The following IST1 variants were observed in gnomAD, a reference collection of about 807,000 sequenced individuals.
IST1 encodes the protein IST1 factor associated with ESCRT-III.
IST1 carries 23 observed loss-of-function variants against 37.0 expected under a neutral mutation model. The ratio of observed to expected loss-of-function variants is 0.62; its 90% CI spans 0.45 to 0.88. The LOEUF (loss-of-function observed/expected upper bound fraction) is 0.88. Among genes scored for constraint, IST1 ranks in the 40% least tolerant of loss-of-function variants. The pLI is 0.00. For missense variants in IST1, 488 were observed against 445.4 expected, an observed-to-expected ratio of 1.10 and a Z score of -0.86; for synonymous variants, 180 against 161.7, an observed-to-expected ratio of 1.11 and a Z score of -0.86.
rs2037791527 is a variant in IST1, at chr16:71,927,976, A to C, written c.*163A>C. On this transcript the variant is annotated 3_prime_UTR_variant, in exon 10 of 10. Transcript: ENST00000378799. ...GCTCCTCCAGATTCTGCTGCTTTCC[A>C]GTTCTCTGTTGATCCTGAGACTAAC... The C allele has an allele frequency of 1.6e-6, 1 of 609,488 alleles. No homozygotes were observed. Among genetic ancestry groups the C allele is most frequent in the Admixed American group, 2.8e-5 (1 of 35,284 alleles). 37.8% of individuals were successfully genotyped at this position (609,488 alleles called of 1,614,324 possible).
At chr16:71,898,514 T>C (rs1402459075) in intron 1 of IST1, among the ~76,000 whole-genome samples, 1 of 150,982 alleles carries the variant, frequency 6.6e-6, no homozygotes, top group East Asian at 1.9e-4. Flanking sequence ...TGAAACCCCC[T>C]CTCTACTGTA....
At chr16:71,907,177 T>C (rs964920317) in intron 1 of IST1, among the ~76,000 whole-genome samples, 2 of 132,250 alleles carry the variant, frequency 1.5e-5, no homozygotes, top group Non-Finnish European at 3.1e-5. Context: ...TCAGGCAGTA[T>C]TTTTTCTTTC....
In IST1 at chr16:71,927,942, T is replaced by C; in HGVS notation, c.*129T>C. 2.9e-6 allele frequency: 2 copies of C among 680,224 alleles called. No individual in the cohort carries two copies. The highest frequency in any genetic ancestry group is 2.6e-5 in the East Asian group (1 of 38,146). 42.1% of individuals were successfully genotyped at this position (680,224 alleles called of 1,614,324 possible). A position where few individuals can be genotyped will look rare whatever the true frequency, so the allele number is the denominator to read the frequency against. On this transcript the variant is annotated 3_prime_UTR_variant, in exon 10 of 10. Coordinates refer to ENST00000378799, the MANE Select transcript of IST1 (RefSeq NM_001270975.2). ...ACTCAGCACAACACTCCCTCTGGGCTCTCTTCCTGCTCCTCCAGATTCTGC... is the reference window on the plus strand; with the variant it reads ...ACTCAGCACAACACTCCCTCTGGGCCCTCTTCCTGCTCCTCCAGATTCTGC...
In IST1 at chr16:71,922,614, C is replaced by G. The variant is rs750655900; in HGVS notation, c.693C>G (p.Pro231=). 1 of 705,500 alleles carries G rather than the reference C, an allele frequency of 1.4e-6. No homozygotes were observed. Among genetic ancestry groups the G allele is most frequent in the Non-Finnish European group, 1.9e-6 (1 of 518,468 alleles). 43.7% of individuals were successfully genotyped at this position (705,500 alleles called of 1,614,324 possible). A position where few individuals can be genotyped will look rare whatever the true frequency, so the allele number is the denominator to read the frequency against. Residue 231 remains proline, a synonymous_variant, in exon 7 of 10, where the codon CCC becomes CCG. Transcript: ENST00000378799. ...GACCTGATGGAACGGTGCCAATGCCCATGCCCATGCCCATGCCTATGCCAT... is the reference window on the plus strand; with the variant it reads ...GACCTGATGGAACGGTGCCAATGCCGATGCCCATGCCCATGCCTATGCCAT... The part of the protein sequence containing the change: ...VGGPDGTVPM[P]MPMPMPMPSA...
At chr16:71,906,072 C>T (rs950058649) in intron 1 of IST1, among the ~76,000 whole-genome samples, 13 of 149,310 alleles carry the variant, frequency 8.7e-5, no homozygotes, top group Non-Finnish European at 1.8e-4. Flanking sequence ...GGTGCCATCT[C>T]GGCTCACTGC....
chr16:71,925,074 G>A (rs2037707599), intron 9 of IST1, among the ~76,000 whole-genome samples: 3 of 135,974 alleles, frequency 2.2e-5, no homozygotes, highest in Admixed American at 1.6e-4. Flanking sequence ...GTGCAGTGTT[G>A]TGATCTTGGC....
At chr16:71,922,073 G>A (rs1385367955) in intron 6 of IST1, among the ~76,000 whole-genome samples, 1 of 152,144 alleles carries the variant, frequency 6.6e-6, no homozygotes, top group Non-Finnish European at 1.5e-5. Context: ...GGAGGTGGAA[G>A]AGCTTGTGGT....
intron 1 of IST1, among the ~76,000 whole-genome samples, chr16:71,908,901 T>G (rs1002410818): frequency 1.3e-5 from 2 of 152,118 alleles, no homozygotes; most frequent in Non-Finnish European, 2.9e-5. Context: ...TTTTTCATAG[T>G]TCTCAGATAG....
intron 1 of IST1, among the ~76,000 whole-genome samples, chr16:71,912,248 T>G (rs554639678): frequency 1.3e-5 from 2 of 152,306 alleles, no homozygotes; most frequent in Non-Finnish European, 2.9e-5. Context: ...TATAAAAATT[T>G]TTTTTTTGAG....
intron 1 of IST1, among the ~76,000 whole-genome samples, chr16:71,911,710 ATTTTT>A (rs550809762): frequency 3.3e-5 from 3 of 90,880 alleles, no homozygotes; most frequent in Non-Finnish European, 2.1e-5. Flanking sequence ...TTAAACTTCG[ATTTTT>A]TTTTTTTTTT....
chr16:71,924,239 C>T (rs529709434), intron 8 of IST1: 3 of 450,536 alleles, frequency 6.7e-6, no homozygotes, highest in African/African-American at 4.0e-5. Flanking sequence ...AATGCTTTCC[C>T]TTTGCCCAAA....
intron 1 of IST1, among the ~76,000 whole-genome samples, chr16:71,905,611 C>T (rs1051685366): frequency 1.3e-5 from 2 of 152,114 alleles, no homozygotes; most frequent in Non-Finnish European, 2.9e-5. Context: ...AACTCCTGAC[C>T]TCAGGCGATC....
chr16:71,903,869 A>G (rs1249446201), intron 1 of IST1, among the ~76,000 whole-genome samples: 5 of 152,086 alleles, frequency 3.3e-5, no homozygotes, highest in Admixed American at 2.6e-4. Flanking sequence ...TGCTAGGTTG[A>G]TCAGTTATGG....
chr16:71,916,686 G>T, intron 3 of IST1, 44 bp downstream of exon 3: 1 of 1,520,064 alleles, frequency 6.6e-7, no homozygotes, highest in South Asian at 1.2e-5. Context: ...TCTGGAATTT[G>T]AGAAAGGAGT....
At chr16:71,926,355 T>G (rs2037743656) in intron 9 of IST1, among the ~76,000 whole-genome samples, 2 of 151,840 alleles carry the variant, frequency 1.3e-5, no homozygotes, top group African/African-American at 2.4e-5. Flanking sequence ...TCATAGTTTT[T>G]TTTTTTTTTA....
rs762852145 is a variant in IST1 at position 71,924,805 on chromosome 16, G to A, written c.889G>A (p.Ala297Thr). Reference protein sequence around the residue: ...DINADKNISSAQIVGPGPKPE... With the variant: ...DINADKNISSTQIVGPGPKPE... ...TAATGCTGATAAGAATATCTCTTCT[G>A]CACAGATTGTTGGTGAGTAGTATCA... is the stretch of plus-strand genomic sequence containing the variant. The change falls in exon 9 of 10, where the codon GCA becomes ACA. Residue 297 changes from alanine to threonine, a missense_variant. Ala to Thr is a moderately conservative substitution (Grantham distance 58, BLOSUM62 0). This residue lies in a region of IST1 where 455 missense variants were observed against 386.2 expected (regional missense o/e 1.18). Coordinates refer to ENST00000378799, the MANE Select transcript of IST1 (RefSeq NM_001270975.2). 8 of 1,608,492 alleles carry A rather than the reference G, an allele frequency of 5.0e-6. No individual in the cohort carries two copies. In the Admixed American group the frequency reaches 1.0e-4, roughly 20 times the overall value.
At chr16:71,907,037 A>T (rs117532974) in intron 1 of IST1, among the ~76,000 whole-genome samples, 325 of 152,244 alleles carry the variant, frequency 2.1e-3, no homozygotes, top group Non-Finnish European at 3.5e-3. Context: ...CTCAAAAAAA[A>T]AATTGTCTTT....
At chr16:71,908,887 A>T (rs576692806) in intron 1 of IST1, among the ~76,000 whole-genome samples, 1 of 152,044 alleles carries the variant, frequency 6.6e-6, no homozygotes, top group African/African-American at 2.4e-5. Context: ...TCCATCTGCT[A>T]TTATTTTTCA....
At chr16:71,924,940 TCTTCCC>T in intron 9 of IST1, 123 bp downstream of exon 9, 1 of 668,774 alleles carries the variant, frequency 1.5e-6, no homozygotes, top group Non-Finnish European at 2.7e-6. Context: ...TGCCCTGTTC[TCTTCCC>T]AAATGCTAAA....
Sources: gnomAD v4.1 joint callset for allele counts (sites outside exome capture counted in the v4.1 genomes callset) on GRCh38, gnomAD v4.1.1 for gene constraint, gnomAD v4.1.1 regional missense constraint, MANE v1.5 for transcripts, NCBI Gene and HGNC (gene_info 2026-07-23, HGNC 2026-07-21) for gene names.